SNX31: variants seen among roughly 807,000 people sequenced by gnomAD.
SNX31 encodes the protein sorting nexin 31.
In SNX31, 58 loss-of-function variants were observed where a neutral mutation model predicts 65.4. The observed-to-expected ratio is 0.89, with a 90% CI of 0.72 to 1.10. The LOEUF is 1.10. Ranked by LOEUF, SNX31 falls within the 50% of genes least tolerant of loss-of-function variation. SNX31 has a pLI of 0.00. For synonymous variants in SNX31, 181 were observed against 190.1 expected, an observed-to-expected ratio of 0.95 and a Z score of 0.39; for missense variants, 523 against 529.7, an observed-to-expected ratio of 0.99 and a Z score of 0.12.
chr8:100,608,338 A>G (rs1245135808), intron 8 of SNX31, among the ~76,000 whole-genome samples, 156 bp downstream of exon 8: 1 of 151,216 alleles, frequency 6.6e-6, no homozygotes, highest in East Asian at 1.9e-4. Context: ...CACCCCCCAC[A>G]GCCCCTGGTA....
chr8:100,657,511 C>G (rs1024626915), intron 1 of SNX31, among the ~76,000 whole-genome samples: 6 of 151,496 alleles, frequency 4.0e-5, no homozygotes, highest in African/African-American at 1.2e-4. Context: ...AAGGGAGCCC[C>G]GAGGCTGCCT....
Position 100,576,149 on chromosome 8 carries a change from T to C in SNX31, c.1227+870A>G, listed in dbSNP as rs966943072. ...CTGTGATTATGAAGGAGAATGCTTT[T>C]ATGCATTTCTGCTAGTTTATTTTCC... is the stretch of plus-strand genomic sequence containing the variant. On this transcript the variant is annotated intron_variant, in intron 13 of 13. Coordinates refer to ENST00000311812, the MANE Select transcript of SNX31 (RefSeq NM_152628.4). The surrounding 1 kb of genome is among the most constrained non-coding windows in gnomAD (Gnocchi z 4.8). 5.9e-5 allele frequency among the ~76,000 whole-genome samples: 9 copies of C among 152,228 alleles called. No homozygotes were observed. Among genetic ancestry groups the C allele is most frequent in the African/African-American group, 2.2e-4 (9 of 41,462 alleles).
Position 100,644,890 on chromosome 8 carries a change from T to G in SNX31, c.141+4384A>C, listed in dbSNP as rs1021149646. On this transcript the variant is annotated intron_variant, in intron 2 of 13. Coordinates refer to ENST00000311812, the MANE Select transcript of SNX31 (RefSeq NM_152628.4). Reference sequence around the variant, plus strand: ...ATTGCCCAGGCAGGTCTCAAACTCTTGAGCTGAAGTGATCCACCCACCTTG... The same window carrying G: ...ATTGCCCAGGCAGGTCTCAAACTCTGGAGCTGAAGTGATCCACCCACCTTG... Among the ~76,000 whole-genome samples, 3 of 152,232 alleles carry G rather than the reference T, an allele frequency of 2.0e-5. No individual in the cohort carries two copies. In the East Asian group the frequency reaches 5.8e-4, roughly 29 times the overall value.
At chr8:100,606,443 G>T (rs1461023439) in intron 8 of SNX31, among the ~76,000 whole-genome samples, 2 of 152,124 alleles carry the variant, frequency 1.3e-5, no homozygotes, top group African/African-American at 4.8e-5. Context: ...GTGATATTTT[G>T]ATTTGCCCTC....
chr8:100,598,304 G>A (rs879421328), intron 9 of SNX31, among the ~76,000 whole-genome samples: 9 of 152,194 alleles, frequency 5.9e-5, no homozygotes, highest in Non-Finnish European at 1.2e-4. Context: ...TGGTACTTGC[G>A]CAGTGATTGG....
chr8:100,584,278 C>T, intron 11 of SNX31, 90 bp from the exon 12 acceptor site: 2 of 961,808 alleles, frequency 2.1e-6, no homozygotes, highest in Non-Finnish European at 3.0e-6. Flanking sequence ...GATTTTGACT[C>T]TGCCCTCCAA....
chr8:100,617,598 C>A, intron 5 of SNX31, 22 bp downstream of exon 5: 1 of 1,493,362 alleles, frequency 6.7e-7, no homozygotes, highest in Non-Finnish European at 9.3e-7. Flanking sequence ...AGTTCTGGAG[C>A]TGGAGTTTAA....
chr8:100,644,602 G>A (rs1819499247), intron 2 of SNX31, among the ~76,000 whole-genome samples: 1 of 152,200 alleles, frequency 6.6e-6, no homozygotes. Context: ...GATGACAGAG[G>A]GCGCAGGTCA....
chr8:100,655,721 A>C (rs1217448244), intron 1 of SNX31, among the ~76,000 whole-genome samples: 1 of 152,184 alleles, frequency 6.6e-6, no homozygotes, highest in East Asian at 1.9e-4. Flanking sequence ...GGTGAGGCCT[A>C]AGAAGTGGAC....
intron 3 of SNX31, among the ~76,000 whole-genome samples, chr8:100,633,272 G>A (rs896455808): frequency 6.6e-6 from 1 of 152,112 alleles, no homozygotes; most frequent in African/African-American, 2.4e-5. Context: ...ATAGATTATT[G>A]TATCAATGTT....
chr8:100,587,725 A>C (rs1454113152), intron 11 of SNX31, among the ~76,000 whole-genome samples: 1 of 152,246 alleles, frequency 6.6e-6, no homozygotes, highest in Non-Finnish European at 1.5e-5. Context: ...GCACAAATTT[A>C]TTTAAAATAT....
At position 100,573,774 on chromosome 8, in the gene SNX31, C is replaced by T. The variant is rs962931485; in HGVS notation, c.*91G>A. On this transcript the variant is annotated 3_prime_UTR_variant, in exon 14 of 14. Transcript: ENST00000311812. Reference sequence around the variant, plus strand: ...AAAATGGGAAGAGGTCAAATTTCCTCCACTGATGGTAGGTAGCCCACCTGA... The same window carrying T: ...AAAATGGGAAGAGGTCAAATTTCCTTCACTGATGGTAGGTAGCCCACCTGA... The T allele has an allele frequency of 2.5e-6, 2 of 799,628 alleles. No homozygotes were observed. The highest frequency in any genetic ancestry group is 3.6e-5 in the African/African-American group (2 of 56,336). The allele number at this position is 799,628 out of a possible 1,614,324, so 49.5% of individuals were successfully genotyped here.
chr8:100,605,831 G>A (rs1191618857), intron 8 of SNX31, among the ~76,000 whole-genome samples: 1 of 152,142 alleles, frequency 6.6e-6, no homozygotes, highest in Non-Finnish European at 1.5e-5. Flanking sequence ...TCATCACAAT[G>A]AGAAGCAAAA....
intron 7 of SNX31, 21 bp downstream of exon 7, chr8:100,611,979 T>C: frequency 1.3e-6 from 2 of 1,598,666 alleles, no homozygotes; most frequent in Non-Finnish European, 1.7e-6. Context: ...AACGCCTCTG[T>C]CACTTTCAGA....
At chr8:100,641,692 CA>C (rs1819251305) in intron 2 of SNX31, among the ~76,000 whole-genome samples, 1 of 121,632 alleles carries the variant, frequency 8.2e-6, no homozygotes, top group African/African-American at 3.2e-5. Flanking sequence ...TTTAAGTTTG[CA>C]ATCTCTCATC....
At chr8:100,601,935 G>A (rs1048887329) in intron 8 of SNX31, among the ~76,000 whole-genome samples, 6 of 152,134 alleles carry the variant, frequency 3.9e-5, no homozygotes, top group African/African-American at 9.7e-5. Flanking sequence ...TCTCCTCTTG[G>A]CACCCAGCTC....
intron 2 of SNX31, among the ~76,000 whole-genome samples, chr8:100,637,244 C>T (rs1253013553): frequency 6.6e-6 from 1 of 152,188 alleles, no homozygotes; most frequent in East Asian, 1.9e-4. Context: ...TCCAGCCCAA[C>T]ACTTGTAGTG....
In SNX31 at chr8:100,603,241, T is replaced by C. The variant is rs557746925; in HGVS notation, c.682-2800A>G. Among the ~76,000 whole-genome samples, 7 of 152,216 alleles carry C rather than the reference T, an allele frequency of 4.6e-5. No individual in the cohort carries two copies. The South Asian group carries it at 1.2e-3, about 27-fold the overall frequency. On this transcript the variant is annotated intron_variant, in intron 8 of 13. Transcript: ENST00000311812. ...GCCTTCTTTCCTGAATTGTACTTGA[T>C]GGTAGAGCCCAGTAAGGGCTGTTGG...
At chr8:100,628,100 G>A (rs1818165837) in intron 4 of SNX31, among the ~76,000 whole-genome samples, 1 of 152,206 alleles carries the variant, frequency 6.6e-6, no homozygotes, top group African/African-American at 2.4e-5. Context: ...ACAGGTGCTG[G>A]AGGGGATGTG....
Sources: allele counts gnomAD v4.1 joint callset (sites outside exome capture counted in the v4.1 genomes callset), GRCh38; gene constraint gnomAD v4.1.1; non-coding constraint Gnocchi (gnomAD v3.1); transcripts MANE v1.5; gene names NCBI Gene and HGNC (gene_info 2026-07-23, HGNC 2026-07-21).